PALLD: variants seen among roughly 807,000 people sequenced by gnomAD.
PALLD encodes palladin, cytoskeletal associated protein.
In PALLD, 61 loss-of-function variants were observed where a neutral mutation model predicts 123.5. The ratio of observed to expected loss-of-function variants is 0.49; its 90% CI spans 0.40 to 0.61. The LOEUF (loss-of-function observed/expected upper bound fraction) is 0.61, where lower values mean the gene tolerates loss of function less well. Among genes scored for constraint, PALLD ranks in the 20% least tolerant of loss-of-function variants. The pLI is 0.00. For synonymous variants in PALLD, 465 were observed against 496.4 expected (o/e 0.94, Z 0.84); for missense variants, 1,273 against 1,377.0 (o/e 0.92, Z 1.20).
intron 2 of PALLD, among the ~76,000 whole-genome samples, chr4:168,590,821 T>G (rs1771321428): frequency 6.8e-6 from 1 of 146,992 alleles, no homozygotes; most frequent in Non-Finnish European, 1.5e-5. Flanking sequence ...ATAAAATAGG[T>G]GAAGAAGAGT....
chr4:168,642,288 G>A (rs926299906), intron 2 of PALLD, among the ~76,000 whole-genome samples: 5 of 152,182 alleles, frequency 3.3e-5, no homozygotes, highest in Non-Finnish European at 7.3e-5. Context: ...GTTGAAAATT[G>A]ACATGGGACG....
chr4:168,818,407 G>A (rs1338747510), intron 10 of PALLD, among the ~76,000 whole-genome samples: 1 of 152,082 alleles, frequency 6.6e-6, no homozygotes, highest in Non-Finnish European at 1.5e-5. Context: ...AGACCAGGCT[G>A]GGCAATATAA....
intron 10 of PALLD, among the ~76,000 whole-genome samples, chr4:168,741,522 TA>T (rs1019543100): frequency 2.0e-5 from 3 of 150,576 alleles, no homozygotes; most frequent in Non-Finnish European, 3.0e-5. Flanking sequence ...CATGGCTCTT[TA>T]AAAAAAAATA....
At chr4:168,884,682 G>C (rs1319486537) in intron 10 of PALLD, among the ~76,000 whole-genome samples, 1 of 152,182 alleles carries the variant, frequency 6.6e-6, no homozygotes, top group Non-Finnish European at 1.5e-5. Flanking sequence ...ACCTAGAACA[G>C]AGTTGAACAC....
chr4:168,926,133 T>C (rs141524500), intron 21 of PALLD, 80 bp from the exon 22 acceptor site: 1 of 1,180,264 alleles, frequency 8.5e-7, no homozygotes, highest in East Asian at 2.6e-5. Context: ...TATCTAGACA[T>C]TCTGTATTTA....
chr4:168,854,759 AAG>A (rs567809022), intron 10 of PALLD, among the ~76,000 whole-genome samples: 39 of 152,330 alleles, frequency 2.6e-4, no homozygotes, highest in Non-Finnish European at 4.6e-4. Flanking sequence ...CAGAGAGGAA[AAG>A]AGAATGCCAG....
chr4:168,602,635 T>C (rs1323456024), intron 2 of PALLD, among the ~76,000 whole-genome samples: 1 of 152,240 alleles, frequency 6.6e-6, no homozygotes, highest in Non-Finnish European at 1.5e-5. Context: ...GACTCCATTT[T>C]AGCCATTTCA....
intron 10 of PALLD, among the ~76,000 whole-genome samples, chr4:168,884,517 C>A (rs1277453625): frequency 6.6e-6 from 1 of 152,216 alleles, no homozygotes; most frequent in East Asian, 1.9e-4. Context: ...CTGTCTGATA[C>A]AGTCATCTGC....
intron 10 of PALLD, among the ~76,000 whole-genome samples, chr4:168,849,487 A>G (rs147802922): frequency 2.4e-4 from 37 of 152,364 alleles, no homozygotes; most frequent in African/African-American, 8.7e-4. Flanking sequence ...AAACTTCTTT[A>G]GTAACAATGC....
intron 2 of PALLD, among the ~76,000 whole-genome samples, chr4:168,546,652 T>C (rs1296930071): frequency 6.6e-6 from 1 of 152,110 alleles, no homozygotes; most frequent in Non-Finnish European, 1.5e-5. Flanking sequence ...AAAAAGTTGG[T>C]CCAGTATAAC....
chr4:168,579,535 T>C (rs1561268446), intron 2 of PALLD, among the ~76,000 whole-genome samples: 1 of 152,112 alleles, frequency 6.6e-6, no homozygotes. Flanking sequence ...AAGCATATAA[T>C]ATCGGGTAGT....
At chr4:168,870,954 A>G (rs1417236818) in intron 10 of PALLD, among the ~76,000 whole-genome samples, 1 of 152,206 alleles carries the variant, frequency 6.6e-6, no homozygotes, top group Non-Finnish European at 1.5e-5. Flanking sequence ...ATAGAAATCT[A>G]GGGATTTGAC....
At chr4:168,890,437 A>G (rs960311875) in intron 10 of PALLD, among the ~76,000 whole-genome samples, 3 of 152,196 alleles carry the variant, frequency 2.0e-5, no homozygotes, top group Non-Finnish European at 2.9e-5. Flanking sequence ...GCTAGGCACT[A>G]TTGTTGAATA....
At chr4:168,672,687 T>C (rs985574133) in intron 3 of PALLD, among the ~76,000 whole-genome samples, 2 of 152,172 alleles carry the variant, frequency 1.3e-5, no homozygotes, top group African/African-American at 4.8e-5. Flanking sequence ...CTTGATCTCC[T>C]GACCTCGTCA....
rs765411332 is a variant in PALLD at position 168,511,479 on chromosome 4, A to C, written c.-26A>C. On this transcript the variant is annotated 5_prime_UTR_variant, in exon 2 of 22. Transcript: ENST00000505667. ...TCTGGCCTTCCTACTGAAAGCAGAC[A>C]CAGAGTGCATGAAGACCGTTCAAAT... 5.0e-6 allele frequency: 8 copies of C among 1,586,382 alleles called. No individual in the cohort carries two copies. Among genetic ancestry groups the C allele is most frequent in the Non-Finnish European group, 6.9e-6 (8 of 1,155,428 alleles).
intron 9 of PALLD, 85 bp from the exon 10 acceptor site, chr4:168,711,496 A>T (rs1434053262): frequency 3.1e-6 from 3 of 968,504 alleles, no homozygotes; most frequent in Non-Finnish European, 3.4e-6. Flanking sequence ...CAACACAGGG[A>T]TTCTCAGAAG....
intron 2 of PALLD, among the ~76,000 whole-genome samples, chr4:168,616,663 G>A (rs1254220617): frequency 6.6e-6 from 1 of 152,160 alleles, no homozygotes; most frequent in Non-Finnish European, 1.5e-5. Flanking sequence ...TCAATGAAAT[G>A]AGCAGGTAGG....
chr4:168,721,483 A>C (rs1786013527), intron 10 of PALLD, among the ~76,000 whole-genome samples: 1 of 152,220 alleles, frequency 6.6e-6, no homozygotes, highest in African/African-American at 2.4e-5. Flanking sequence ...TTAACCAACT[A>C]AAATGTATAT....
chr4:168,768,817 C>A lies in PALLD; in HGVS notation c.1964+56894C>A, dbSNP rs149825229. On this transcript the variant is annotated intron_variant, in intron 10 of 21. Coordinates refer to ENST00000505667, the MANE Select transcript of PALLD (RefSeq NM_001166108.2). ...CCTCCTGAGTAGCTGGGGCTACAGG[C>A]ACACACCACCATGCCCAGCTAATTT... Among the ~76,000 whole-genome samples, 441 of 152,074 alleles carry A rather than the reference C, an allele frequency of 2.9e-3. 1 individual carries two copies. Among genetic ancestry groups the A allele is most frequent in the African/African-American group, 0.01 (419 of 41,488 alleles).
Sources: allele counts gnomAD v4.1 joint callset (sites outside exome capture counted in the v4.1 genomes callset), GRCh38; gene constraint gnomAD v4.1.1; transcripts MANE v1.5; gene names NCBI Gene and HGNC (gene_info 2026-07-23, HGNC 2026-07-21).